SUCLG2: variants seen among roughly 807,000 people sequenced by gnomAD.
The protein encoded by SUCLG2 is succinate--CoA ligase [GDP-forming] subunit beta, mitochondrial.
SUCLG2 carries 42 observed loss-of-function variants against 47.9 expected under a neutral mutation model. The ratio of observed to expected loss-of-function variants is 0.88; its 90% confidence interval spans 0.69 to 1.14. The LOEUF is 1.14. Among genes scored for constraint, SUCLG2 ranks in the 50% most tolerant of loss-of-function variants. SUCLG2 has a pLI of 0.00. For missense variants in SUCLG2, 571 were observed against 525.9 expected, an observed-to-expected ratio of 1.09 and a Z score of -0.84; for synonymous variants, 195 against 197.3, an observed-to-expected ratio of 0.99 and a Z score of 0.10.
rs192875745 is a variant in SUCLG2 at position 67,612,736 on chromosome 3, C to T, written c.85-3140G>A. Among the ~76,000 whole-genome samples the T allele has an allele frequency of 2.0e-5, 3 of 152,294 alleles. No homozygotes were observed. The East Asian group carries it at 5.8e-4, about 29-fold the overall frequency. ...TGCCGTATCTACTACCTAGAGTTAG[C>T]ACCAGATCCCCCAGGTTAGAGGCTC... On this transcript the variant is annotated intron_variant, in intron 1 of 10. Coordinates refer to ENST00000307227, the MANE Select transcript of SUCLG2 (RefSeq NM_003848.4).
At chr3:67,492,327 A>G (rs1488808418) in intron 9 of SUCLG2, among the ~76,000 whole-genome samples, 1 of 152,204 alleles carries the variant, frequency 6.6e-6, no homozygotes, top group African/African-American at 2.4e-5. Flanking sequence ...TGTTTTGTGT[A>G]AGTGAACACA....
At chr3:67,507,347 A>G (rs1018748470) in intron 7 of SUCLG2, among the ~76,000 whole-genome samples, 2 of 152,254 alleles carry the variant, frequency 1.3e-5, no homozygotes, top group Admixed American at 6.5e-5. Context: ...TCTCGTCTGA[A>G]ATCTATACTA....
intron 1 of SUCLG2, among the ~76,000 whole-genome samples, chr3:67,610,175 C>T (rs1700502096): frequency 1.3e-5 from 2 of 152,284 alleles, no homozygotes; most frequent in South Asian, 4.1e-4. Flanking sequence ...GGGCCACAGA[C>T]TAATTCATTT....
At chr3:67,494,755 T>G (rs1322337319) in intron 9 of SUCLG2, among the ~76,000 whole-genome samples, 1 of 152,216 alleles carries the variant, frequency 6.6e-6, no homozygotes, top group Non-Finnish European at 1.5e-5. Flanking sequence ...TATTTTGGTC[T>G]TTCTACATAA....
intron 9 of SUCLG2, among the ~76,000 whole-genome samples, chr3:67,495,452 A>C (rs1406344797): frequency 6.6e-6 from 1 of 152,082 alleles, no homozygotes; most frequent in Non-Finnish European, 1.5e-5. Context: ...AGGGAGTTTG[A>C]GACCAGCCTG....
intron 9 of SUCLG2, among the ~76,000 whole-genome samples, chr3:67,413,464 T>C (rs1179050914): frequency 6.6e-6 from 1 of 152,200 alleles, no homozygotes; most frequent in Non-Finnish European, 1.5e-5. Context: ...AATGTAGGTC[T>C]GCAACCTTGA....
rs1017654701 is a variant in SUCLG2, at chr3:67,549,621, T to C, written c.227-20435A>G. ...AATCTGCGTTCTTTACAATGACTATTTATAATGAGAGAAAAACTATTTTCA... is the reference window on the plus strand; with the variant it reads ...AATCTGCGTTCTTTACAATGACTATCTATAATGAGAGAAAAACTATTTTCA... On this transcript the variant is annotated intron_variant, in intron 2 of 10. Coordinates refer to ENST00000307227, the MANE Select transcript of SUCLG2 (RefSeq NM_003848.4). Among the ~76,000 whole-genome samples, 15 of 152,210 alleles carry C rather than the reference T, an allele frequency of 9.9e-5. No homozygotes were observed. In the South Asian group the frequency reaches 2.9e-3, roughly 29 times the overall value.
chr3:67,595,994 T>C (rs535842172), intron 2 of SUCLG2, among the ~76,000 whole-genome samples: 4 of 152,222 alleles, frequency 2.6e-5, no homozygotes, highest in Non-Finnish European at 5.9e-5. Context: ...ATTCTAGTCA[T>C]GAGAAAATCA....
At chr3:67,475,302 A>AT (rs1704720254) in intron 9 of SUCLG2, among the ~76,000 whole-genome samples, 1 of 152,154 alleles carries the variant, frequency 6.6e-6, no homozygotes, top group African/African-American at 2.4e-5. Context: ...AATGTTTTTC[A>AT]TTTGTAAGAA....
chr3:67,530,781 C>T (rs1277193305), intron 2 of SUCLG2, among the ~76,000 whole-genome samples: 2 of 152,186 alleles, frequency 1.3e-5, no homozygotes, highest in African/African-American at 4.8e-5. Context: ...GCCCTGGATA[C>T]GAACCATCAC....
chr3:67,499,516 A>G (rs760805158), intron 7 of SUCLG2, among the ~76,000 whole-genome samples: 1 of 152,122 alleles, frequency 6.6e-6, no homozygotes, highest in Non-Finnish European at 1.5e-5. Context: ...AATCTCCTGG[A>G]CCCAGCAAAA....
intron 9 of SUCLG2, among the ~76,000 whole-genome samples, chr3:67,403,171 A>G (rs1702725729): frequency 6.6e-6 from 1 of 152,210 alleles, no homozygotes; most frequent in Non-Finnish European, 1.5e-5. Flanking sequence ...GCTGAACCCC[A>G]GGAAAAGCCT....
intron 8 of SUCLG2, among the ~76,000 whole-genome samples, chr3:67,497,590 G>A (rs561837893): frequency 9.9e-5 from 15 of 152,232 alleles, no homozygotes; most frequent in South Asian, 2.1e-4. Context: ...TGATTAAAGT[G>A]TATGTCCTCT....
chr3:67,601,298 G>T (rs1323965198), intron 2 of SUCLG2, among the ~76,000 whole-genome samples: 4 of 152,094 alleles, frequency 2.6e-5, no homozygotes, highest in African/African-American at 9.7e-5. Flanking sequence ...CTTCCTCTAA[G>T]TAATGAGATT....
At chr3:67,380,588 T>C (rs1320447973) in intron 10 of SUCLG2, among the ~76,000 whole-genome samples, 1 of 152,124 alleles carries the variant, frequency 6.6e-6, no homozygotes, top group Non-Finnish European at 1.5e-5. Flanking sequence ...TTGAAGGGAT[T>C]CTCATATTCA....
At chr3:67,592,209 GC>G (rs1163591001) in intron 2 of SUCLG2, among the ~76,000 whole-genome samples, 4 of 152,244 alleles carry the variant, frequency 2.6e-5, no homozygotes, top group African/African-American at 9.6e-5. Context: ...TATAGAGGCA[GC>G]CAAATGGTTC....
intron 2 of SUCLG2, among the ~76,000 whole-genome samples, chr3:67,559,951 G>C (rs554591651): frequency 1.3e-5 from 2 of 151,816 alleles, no homozygotes; most frequent in Non-Finnish European, 2.9e-5. Flanking sequence ...GTTGGTATTG[G>C]GGGAGGCTGT....
chr3:67,609,422 C>A, intron 2 of SUCLG2, 33 bp downstream of exon 2: 1 of 1,594,436 alleles, frequency 6.3e-7, no homozygotes. Flanking sequence ...CTGATTTGGG[C>A]AAGTGTATTT....
downstream of SUCLG2, among the ~76,000 whole-genome samples, chr3:67,370,011 C>T (rs1701931250): frequency 6.6e-6 from 1 of 151,814 alleles, no homozygotes; most frequent in African/African-American, 2.4e-5. Context: ...ATTTTTAATA[C>T]TAGATTTTTA....
Sources: allele counts gnomAD v4.1 joint callset (sites outside exome capture counted in the v4.1 genomes callset), GRCh38; gene constraint gnomAD v4.1.1; transcripts MANE v1.5; gene names NCBI Gene and HGNC (gene_info 2026-07-23, HGNC 2026-07-21).